CACNA2D3: variants seen among roughly 807,000 people sequenced by gnomAD.
The protein encoded by CACNA2D3 is calcium voltage-gated channel auxiliary subunit alpha2delta 3.
A neutral mutation model predicts 160.6 loss-of-function variants in CACNA2D3; 60 were observed. That is an observed-to-expected ratio of 0.37 (90% CI 0.30 to 0.46). The LOEUF is 0.46. Among genes scored for constraint, CACNA2D3 ranks in the 20% least tolerant of loss-of-function variants. CACNA2D3 has a pLI of 1.00. For synonymous variants in CACNA2D3, 558 were observed against 492.9 expected (o/e 1.13, Z -1.75); for missense variants, 1,205 against 1,365.0 (o/e 0.88, Z 1.85).
chr3:54,940,246 T>C (rs1162989681), intron 27 of CACNA2D3, among the ~76,000 whole-genome samples: 1 of 152,210 alleles, frequency 6.6e-6, no homozygotes, highest in Non-Finnish European at 1.5e-5. Flanking sequence ...CTTGGAAGAC[T>C]GCAACTATTT....
At chr3:54,160,508 T>A (rs111897057) in intron 2 of CACNA2D3, among the ~76,000 whole-genome samples, 60 of 151,880 alleles carry the variant, frequency 4.0e-4, no homozygotes, top group South Asian at 6.2e-4. Context: ...TCAAAAAAAA[T>A]AAAATAAAAT....
intron 35 of CACNA2D3, among the ~76,000 whole-genome samples, chr3:55,033,594 A>G (rs746225489): frequency 0.28 from 39,350 of 142,844 alleles, 5,691 homozygotes; most frequent in Admixed American, 0.33. Context: ...GTATATATAT[A>G]TATATATATA....
intron 11 of CACNA2D3, among the ~76,000 whole-genome samples, chr3:54,661,608 G>GCT (rs2106881713): frequency 6.6e-6 from 1 of 152,274 alleles, no homozygotes; most frequent in Admixed American, 6.5e-5. Flanking sequence ...GTCATCTTAA[G>GCT]CTAGGGATTG....
chr3:54,401,922 T>C (rs971746278), intron 4 of CACNA2D3, among the ~76,000 whole-genome samples: 9 of 152,156 alleles, frequency 5.9e-5, no homozygotes, highest in Non-Finnish European at 1.0e-4. Flanking sequence ...CAGTCAAAAA[T>C]AATGATAGCT....
At chr3:54,468,530 G>A (rs896710298) in intron 4 of CACNA2D3, among the ~76,000 whole-genome samples, 3 of 152,202 alleles carry the variant, frequency 2.0e-5, no homozygotes, top group African/African-American at 4.8e-5. Flanking sequence ...TGAGCTAGCT[G>A]CAGTTTTTTT....
At chr3:54,277,729 A>G (rs938951096) in intron 2 of CACNA2D3, among the ~76,000 whole-genome samples, 1 of 151,978 alleles carries the variant, frequency 6.6e-6, no homozygotes, top group Non-Finnish European at 1.5e-5. Context: ...CAGTGTGGCT[A>G]TTTTCATGAT....
chr3:54,918,555 C>G, intron 27 of CACNA2D3: 3 of 1,613,994 alleles, frequency 1.9e-6, no homozygotes, highest in Non-Finnish European at 2.5e-6. Context: ...CTGTGATTGC[C>G]GCATAGGTGC....
intron 27 of CACNA2D3, among the ~76,000 whole-genome samples, chr3:54,921,168 A>G (rs1445586224): frequency 6.7e-6 from 1 of 149,994 alleles, no homozygotes; most frequent in African/African-American, 2.5e-5. Flanking sequence ...ATTGTTCTCT[A>G]TCTGATCACT....
At chr3:54,701,640 G>C (rs1035925030) in intron 11 of CACNA2D3, among the ~76,000 whole-genome samples, 2 of 152,150 alleles carry the variant, frequency 1.3e-5, no homozygotes, top group Admixed American at 1.3e-4. Flanking sequence ...TGGATGGGAA[G>C]AATCAATGTT....
intron 2 of CACNA2D3, among the ~76,000 whole-genome samples, chr3:54,320,154 G>A (rs1559448670): frequency 6.6e-6 from 1 of 152,172 alleles, no homozygotes; most frequent in Non-Finnish European, 1.5e-5. Flanking sequence ...AGTCAACTGT[G>A]GGTGAAATCA....
intron 33 of CACNA2D3, 95 bp from the exon 34 acceptor site, chr3:55,009,293 T>G: frequency 3.2e-5 from 34 of 1,051,146 alleles, no homozygotes; most frequent in Non-Finnish European, 4.7e-5. Flanking sequence ...TGTTCTCAAA[T>G]GAGGTAAGCG....
At chr3:54,964,572 G>T (rs562032258) in intron 27 of CACNA2D3, among the ~76,000 whole-genome samples, 1 of 152,166 alleles carries the variant, frequency 6.6e-6, no homozygotes, top group Non-Finnish European at 1.5e-5. Flanking sequence ...AATGTCTCAG[G>T]TTCCATTTAG....
chr3:54,456,374 G>T (rs1273326824), intron 4 of CACNA2D3, among the ~76,000 whole-genome samples: 2 of 151,856 alleles, frequency 1.3e-5, no homozygotes, highest in Non-Finnish European at 2.9e-5. Context: ...TTGTTGGTGT[G>T]TAGGAATACT....
At chr3:54,266,367 T>C (rs538664592) in intron 2 of CACNA2D3, among the ~76,000 whole-genome samples, 2 of 152,338 alleles carry the variant, frequency 1.3e-5, no homozygotes, top group East Asian at 3.9e-4. Flanking sequence ...AAGAGAAATA[T>C]GATGCGGCAT....
chr3:54,672,963 G>A (rs1700185793), intron 11 of CACNA2D3, among the ~76,000 whole-genome samples: 2 of 152,208 alleles, frequency 1.3e-5, no homozygotes, highest in African/African-American at 4.8e-5. Flanking sequence ...ACACGTGGAA[G>A]CCAGTTTAGG....
chr3:54,770,131 T>C lies in CACNA2D3; in HGVS notation c.1380+5780T>C, dbSNP rs540348689. Among the ~76,000 whole-genome samples the C allele has an allele frequency of 5.9e-5, 9 of 152,362 alleles. No individual in the cohort carries two copies. The South Asian group carries it at 1.9e-3, about 32-fold the overall frequency. On this transcript the variant is annotated intron_variant, in intron 13 of 37. Transcript: ENST00000474759. The stretch of plus-strand genomic sequence containing the variant: ...TGCAGCTGTTAACCCGAGATAACTT[T>C]GCCACAAAATATCTCACTTTTATTA...
At chr3:54,269,474 TG>T (rs1176120562) in intron 2 of CACNA2D3, among the ~76,000 whole-genome samples, 1 of 152,168 alleles carries the variant, frequency 6.6e-6, no homozygotes, top group African/African-American at 2.4e-5. Flanking sequence ...TACTAGGAGC[TG>T]GGGATGCAAA....
At chr3:54,291,540 T>TA (rs1180670401) in intron 2 of CACNA2D3, among the ~76,000 whole-genome samples, 82 of 152,234 alleles carry the variant, frequency 5.4e-4, no homozygotes, top group African/African-American at 1.9e-3. Flanking sequence ...GAGCCTGTAA[T>TA]CTTTTTTTTA....
At chr3:54,684,514 T>G (rs1036600090) in intron 11 of CACNA2D3, among the ~76,000 whole-genome samples, 1 of 152,230 alleles carries the variant, frequency 6.6e-6, no homozygotes, top group South Asian at 2.1e-4. Context: ...TTACCTGTTT[T>G]GCCAGCTGCT....
Sources: gnomAD v4.1 joint callset for allele counts (sites outside exome capture counted in the v4.1 genomes callset) on GRCh38, gnomAD v4.1.1 for gene constraint, MANE v1.5 for transcripts, NCBI Gene and HGNC (gene_info 2026-07-23, HGNC 2026-07-21) for gene names.